Variants in RBM19 observed in about 807,000 individuals in gnomAD.
The protein encoded by RBM19 is RNA binding motif protein 19.
In RBM19, 94 loss-of-function variants were observed where a neutral mutation model predicts 116.8. The ratio of observed to expected loss-of-function variants is 0.80; its 90% CI spans 0.68 to 0.95. The LOEUF is 0.95. Among genes scored for constraint, RBM19 ranks in the 40% least tolerant of loss-of-function variants. The pLI is 0.00. For missense variants in RBM19, 1,161 were observed against 1,220.7 expected (o/e 0.95, Z 0.73); for synonymous variants, 475 against 494.1 (o/e 0.96, Z 0.51).
At chr12:113,872,560 G>A (rs1879323572) in intron 21 of RBM19, among the ~76,000 whole-genome samples, 1 of 116,108 alleles carries the variant, frequency 8.6e-6, no homozygotes, top group Non-Finnish European at 2.0e-5. Flanking sequence ...GCCCCGTCCG[G>A]GAGGGAGGTG....
Position 113,962,387 on chromosome 12 carries a change from A to AGTGTTT in RBM19, c.63_64insAAACAC (p.Leu21_Phe22insLysHis). On this transcript the variant is annotated inframe_insertion, in exon 2 of 24. Coordinates refer to ENST00000261741, the MANE Select transcript of RBM19 (RefSeq NM_016196.4). ...TCTGTCAGCGTGCCGAAGGCGGCAA[A>AGTGTTT]CAGCTGCCTGAAACGCTCCTCCTTC... 6.2e-7 allele frequency: 1 copy of AGTGTTT among 1,614,124 alleles called. No individual in the cohort carries two copies. The highest frequency in any genetic ancestry group is 8.5e-7 in the Non-Finnish European group (1 of 1,179,914).
Position 113,937,301 on chromosome 12 carries a change from C to A in RBM19, c.1939-165G>T, listed in dbSNP as rs190313854. The A allele has an allele frequency of 3.6e-3, 2,647 of 735,516 alleles. 8 individuals are homozygous for A. The highest frequency in any genetic ancestry group is 0.014 in the Middle Eastern group (35 of 2,456). The allele number at this position is 735,516 out of a possible 1,614,324, so 45.6% of individuals were successfully genotyped here. A position where few individuals can be genotyped will look rare whatever the true frequency, so the allele number is the denominator to read the frequency against. ...CCCAGAGCCCTGACTGCTGTCTACTCCCTGAGGACAACATTCGGCCCCCAT... is the reference window on the plus strand; with the variant it reads ...CCCAGAGCCCTGACTGCTGTCTACTACCTGAGGACAACATTCGGCCCCCAT... On this transcript the variant is annotated intron_variant, in intron 15 of 23. Coordinates refer to ENST00000261741, the MANE Select transcript of RBM19 (RefSeq NM_016196.4).
intron 15 of RBM19, among the ~76,000 whole-genome samples, chr12:113,939,520 C>T (rs892243254): frequency 2.6e-5 from 4 of 151,544 alleles, no homozygotes; most frequent in South Asian, 2.1e-4. Flanking sequence ...GAGGCTGAGG[C>T]GGGCGGATCA....
chr12:113,858,735 A>G (rs1005432444), intron 22 of RBM19, 56 bp downstream of exon 22: 15 of 1,537,660 alleles, frequency 9.8e-6, no homozygotes, highest in East Asian at 2.3e-5. Context: ...TCTCTCCTAC[A>G]ATGGGTACTG....
intron 21 of RBM19, among the ~76,000 whole-genome samples, chr12:113,876,092 G>A (rs968850823): frequency 6.6e-6 from 1 of 152,212 alleles, no homozygotes; most frequent in Non-Finnish European, 1.5e-5. Flanking sequence ...CATGGGGCAA[G>A]GTGGGAAATA....
chr12:113,947,270 A>T (rs1871105397), intron 11 of RBM19, 64 bp downstream of exon 11: 1 of 1,523,082 alleles, frequency 6.6e-7, no homozygotes, highest in Admixed American at 1.9e-5. Context: ...ACACACACAC[A>T]CACCAGCCTT....
intron 21 of RBM19, among the ~76,000 whole-genome samples, chr12:113,902,006 CAG>C (rs1881731766): frequency 6.6e-6 from 1 of 152,180 alleles, no homozygotes; most frequent in Non-Finnish European, 1.5e-5. Context: ...AAGAAAGAAT[CAG>C]AGAGATCTTA....
At chr12:113,950,292 A>C in intron 8 of RBM19, 138 bp from the exon 9 acceptor site, 1 of 674,822 alleles carries the variant, frequency 1.5e-6, no homozygotes, top group East Asian at 2.7e-5. Context: ...CCAAAATACA[A>C]AGGGTCTCCC....
intron 21 of RBM19, among the ~76,000 whole-genome samples, chr12:113,876,528 T>C (rs138740213): frequency 6.6e-6 from 1 of 152,302 alleles, no homozygotes; most frequent in East Asian, 1.9e-4. Flanking sequence ...TGGTGGCTTA[T>C]GCTTGTAATC....
intron 21 of RBM19, among the ~76,000 whole-genome samples, chr12:113,904,709 G>A (rs779064191): frequency 6.6e-6 from 1 of 152,178 alleles, no homozygotes; most frequent in Non-Finnish European, 1.5e-5. Context: ...GGCCAGATGG[G>A]TTGAGGCACA....
At chr12:113,921,459 A>C (rs1419649743) in intron 18 of RBM19, among the ~76,000 whole-genome samples, 1 of 152,200 alleles carries the variant, frequency 6.6e-6, no homozygotes, top group Non-Finnish European at 1.5e-5. Flanking sequence ...AATTCAAAGA[A>C]GATTCCCTTC....
chr12:113,909,369 C>A (rs1882286602), intron 21 of RBM19, among the ~76,000 whole-genome samples: 1 of 150,908 alleles, frequency 6.6e-6, no homozygotes, highest in Non-Finnish European at 1.5e-5. Context: ...GATCCTCCTG[C>A]TTTGGCCTCC....
chr12:113,913,880 G>A (rs1397923783), intron 21 of RBM19, among the ~76,000 whole-genome samples: 1 of 152,230 alleles, frequency 6.6e-6, no homozygotes, highest in Non-Finnish European at 1.5e-5. Context: ...CCTCAACAAT[G>A]TGTTTAGGTG....
rs144155195 is a variant in RBM19 at position 113,966,300 on chromosome 12, C to T, written c.-73G>A. On this transcript the variant is annotated 5_prime_UTR_variant, in exon 1 of 24. Transcript: ENST00000261741. The stretch of plus-strand genomic sequence containing the variant: ...TTCCACCAAGTTTCACGCTACCGCC[C>T]TGGGCGCCGCCATCTTTACCGAGCC... 8.3e-5 allele frequency: 132 copies of T among 1,594,370 alleles called. No homozygotes were observed. The African/African-American group carries it at 8.4e-4, about 10-fold the overall frequency.
Position 113,949,188 on chromosome 12 carries a change from C to G in RBM19, c.1073-152G>C, listed in dbSNP as rs548974976. 1.0e-3 allele frequency: 733 copies of G among 712,462 alleles called. 2 individuals are homozygous for G. The highest frequency in any genetic ancestry group is 5.3e-3 in the Middle Eastern group (13 of 2,462). The allele number at this position is 712,462 out of a possible 1,614,324, so 44.1% of individuals were successfully genotyped here. On this transcript the variant is annotated intron_variant, in intron 9 of 23. Transcript: ENST00000261741. ...CCAACACCTGCCCTGTCACCTGAGG[C>G]GGCAGCATAAGCCAAGCCAACACCA...
chr12:113,944,093 G>GTTT lies in RBM19; in HGVS notation c.1627-1662_1627-1660dup, dbSNP rs71433305. Among the ~76,000 whole-genome samples, 77 of 67,630 alleles carry GTTT rather than the reference G, an allele frequency of 1.1e-3. 2 individuals carry two copies. The highest frequency in any genetic ancestry group is 1.6e-3 in the South Asian group (2 of 1,250). 44.4% of individuals were successfully genotyped at this position (67,630 alleles called of 152,430 possible). A position where few individuals can be genotyped will look rare whatever the true frequency, so the allele number is the denominator to read the frequency against. On this transcript the variant is annotated intron_variant, in intron 13 of 23. Coordinates refer to ENST00000261741, the MANE Select transcript of RBM19 (RefSeq NM_016196.4). ...CAGCTGCCTCTAACTCCAGATGCATGTTTTTTTTTTTTTTTTTTTTTTTTG... is the reference window on the plus strand; with the variant it reads ...CAGCTGCCTCTAACTCCAGATGCATGTTTTTTTTTTTTTTTTTTTTTTTTTTTG...
intron 21 of RBM19, among the ~76,000 whole-genome samples, chr12:113,912,441 A>G (rs1283617044): frequency 1.3e-5 from 2 of 152,208 alleles, no homozygotes; most frequent in Non-Finnish European, 2.9e-5. Flanking sequence ...TAGACCCAAG[A>G]AAACAGGCAG....
chr12:113,940,434 C>A (rs530069448), intron 14 of RBM19, among the ~76,000 whole-genome samples: 2 of 152,324 alleles, frequency 1.3e-5, no homozygotes, highest in South Asian at 4.1e-4. Context: ...TGAGCAGGGC[C>A]GCACTTTCCA....
intron 21 of RBM19, among the ~76,000 whole-genome samples, chr12:113,883,078 C>G (rs1482916796): frequency 6.6e-6 from 1 of 152,002 alleles, no homozygotes; most frequent in Non-Finnish European, 1.5e-5. Flanking sequence ...GAGAGACAGA[C>G]AGAGAGAGGT....
Sources: gnomAD v4.1 joint callset for allele counts (sites outside exome capture counted in the v4.1 genomes callset) on GRCh38, gnomAD v4.1.1 for gene constraint, MANE v1.5 for transcripts, NCBI Gene and HGNC (gene_info 2026-07-23, HGNC 2026-07-21) for gene names.